The following TYW1B variants were observed in gnomAD, a reference collection of about 807,000 sequenced individuals.
TYW1B encodes the protein S-adenosyl-L-methionine-dependent tRNA 4-demethylwyosine synthase TYW1B.
In TYW1B, 73 loss-of-function variants were observed where a neutral mutation model predicts 86.9. The observed-to-expected ratio is 0.84, with a 90% CI of 0.70 to 1.02. The LOEUF (loss-of-function observed/expected upper bound fraction) is 1.02, where lower values mean the gene tolerates loss of function less well. Among genes scored for constraint, TYW1B ranks in the 50% least tolerant of loss-of-function variants. The pLI is 0.00. For synonymous variants in TYW1B, 248 were observed against 292.8 expected, an observed-to-expected ratio of 0.85 and a Z score of 1.56; for missense variants, 637 against 827.4, an observed-to-expected ratio of 0.77 and a Z score of 2.82.
At chr7:72,609,084 A>C (rs1325005487) in intron 13 of TYW1B, among the ~76,000 whole-genome samples, 1 of 152,198 alleles carries the variant, frequency 6.6e-6, no homozygotes, top group African/African-American at 2.4e-5. Context: ...AACTACATGA[A>C]GGGTACCTGA....
rs1788940134 is a variant in TYW1B at position 72,826,840 on chromosome 7, A to C, written c.135+15T>G. ...GATGCCTAAATACTCTATTAAAAAA[A>C]ATAACTCCACTTACCTGCATCTCGA... On this transcript the variant is annotated intron_variant, in intron 2 of 13. Coordinates refer to ENST00000620995, the MANE Select transcript of TYW1B (RefSeq NM_001145440.3). The C allele has an allele frequency of 3.1e-6, 5 of 1,605,460 alleles. No individual in the cohort carries two copies. The African/African-American group carries it at 5.4e-5, about 17-fold the overall frequency.
chr7:72,729,081 T>G (rs536926328), intron 8 of TYW1B, 150 bp from the exon 9 acceptor site: 2 of 661,914 alleles, frequency 3.0e-6, no homozygotes, highest in Non-Finnish European at 2.6e-6. Context: ...ATTTTCCAAC[T>G]TATTTTAAAT....
intron 7 of TYW1B, among the ~76,000 whole-genome samples, chr7:72,748,433 C>G (rs1459323103): frequency 6.6e-6 from 1 of 151,358 alleles, no homozygotes; most frequent in African/African-American, 2.4e-5. Flanking sequence ...GCCTTTGCAA[C>G]CTGTATGCAT....
In TYW1B at chr7:72,807,058, C is replaced by T. The variant is rs782513214; in HGVS notation, c.723+8G>A. ...AAGCATCAAGAGATGAACACACAGG[C>T]GGTATACCTTGGTGTCTCTGTGATG... On this transcript the variant is annotated splice_region_variant and intron_variant, in intron 5 of 13. Coordinates refer to ENST00000620995, the MANE Select transcript of TYW1B (RefSeq NM_001145440.3). 8.7e-6 allele frequency: 14 copies of T among 1,611,714 alleles called. No individual in the cohort carries two copies. Among genetic ancestry groups the T allele is most frequent in the Middle Eastern group, 3.3e-4 (2 of 6,072 alleles).
At chr7:72,784,144 G>GAAA (rs34367024) in intron 6 of TYW1B, among the ~76,000 whole-genome samples, 2 of 147,400 alleles carry the variant, frequency 1.4e-5, no homozygotes, top group African/African-American at 2.5e-5. Context: ...ATTTACTGCA[G>GAAA]AAAAAAAAAA....
At chr7:72,676,389 T>C (rs1489497075) in intron 11 of TYW1B, among the ~76,000 whole-genome samples, 1 of 152,218 alleles carries the variant, frequency 6.6e-6, no homozygotes, top group Non-Finnish European at 1.5e-5. Flanking sequence ...TAAAAGAACT[T>C]ATGATAAGAA....
intron 13 of TYW1B, among the ~76,000 whole-genome samples, chr7:72,589,513 G>GC (rs1273702486): frequency 6.6e-6 from 1 of 152,222 alleles, no homozygotes; most frequent in Non-Finnish European, 1.5e-5. Flanking sequence ...AGTAAACTGT[G>GC]CCAGCAGGAA....
chr7:72,714,461 T>TA (rs558170964), intron 9 of TYW1B, among the ~76,000 whole-genome samples: 26,232 of 142,978 alleles, frequency 0.18, 2,454 homozygotes, highest in Middle Eastern at 0.36. Flanking sequence ...TACTAAAAAT[T>TA]AAAAAAAAAA....
At chr7:72,776,556 C>CAAAAAAAAAAAA (rs67553013) in intron 7 of TYW1B, among the ~76,000 whole-genome samples, 1 of 45,242 alleles carries the variant, frequency 2.2e-5, no homozygotes, top group Non-Finnish European at 3.7e-5. Context: ...GACTCTGTCT[C>CAAAAAAAAAAAA]AAAAAAAAAA....
intron 11 of TYW1B, among the ~76,000 whole-genome samples, chr7:72,682,452 A>G (rs2844210): frequency 6.6e-6 from 1 of 152,192 alleles, no homozygotes; most frequent in Non-Finnish European, 1.5e-5. Context: ...TATACATAAG[A>G]ATTTTTATAT....
chr7:72,794,009 C>T (rs1457628653), intron 6 of TYW1B, among the ~76,000 whole-genome samples: 5 of 152,170 alleles, frequency 3.3e-5, no homozygotes, highest in Non-Finnish European at 5.9e-5. Context: ...TACAGATTGA[C>T]GTACGGCTGC....
At chr7:72,714,774 G>A (rs564959749) in intron 9 of TYW1B, among the ~76,000 whole-genome samples, 5 of 152,328 alleles carry the variant, frequency 3.3e-5, no homozygotes, top group African/African-American at 7.2e-5. Flanking sequence ...AAAATTAGCT[G>A]GGCGTAGTGG....
At chr7:72,711,093 G>C (rs527825937) in intron 10 of TYW1B, among the ~76,000 whole-genome samples, 2 of 152,208 alleles carry the variant, frequency 1.3e-5, no homozygotes, top group Admixed American at 1.3e-4. Flanking sequence ...GGGAGGTGAG[G>C]GAAAAGTCTC....
chr7:72,677,095 G>A (rs1813753247), intron 11 of TYW1B, among the ~76,000 whole-genome samples: 1 of 152,146 alleles, frequency 6.6e-6, no homozygotes, highest in African/African-American at 2.4e-5. Flanking sequence ...TCATACTTTA[G>A]AAGGGTGAAC....
chr7:72,690,899 C>T (rs1427672398), intron 11 of TYW1B, among the ~76,000 whole-genome samples: 1 of 152,054 alleles, frequency 6.6e-6, no homozygotes, highest in Non-Finnish European at 1.5e-5. Flanking sequence ...AGGTACCTGC[C>T]ACCACTCCTG....
intron 13 of TYW1B, among the ~76,000 whole-genome samples, chr7:72,596,268 A>AT (rs1198098414): frequency 6.6e-6 from 1 of 151,396 alleles, no homozygotes; most frequent in Admixed American, 6.6e-5. Context: ...TAACAAAAAC[A>AT]TTTTTTGTAG....
rs1362029938 is a variant in TYW1B, at chr7:72,798,031, A to G, written c.846+4369T>C. Among the ~76,000 whole-genome samples the G allele has an allele frequency of 4.2e-3, 450 of 107,118 alleles. 2 individuals are homozygous for G. Among genetic ancestry groups the G allele is most frequent in the African/African-American group, 0.014 (429 of 31,308 alleles). 70.3% of individuals were successfully genotyped at this position (107,118 alleles called of 152,430 possible). A position where few individuals can be genotyped will look rare whatever the true frequency, so the allele number is the denominator to read the frequency against. On this transcript the variant is annotated intron_variant, in intron 6 of 13. Coordinates refer to ENST00000620995, the MANE Select transcript of TYW1B (RefSeq NM_001145440.3). Reference sequence around the variant, plus strand: ...TATATACACACACACACACACACACACACACACGCACACACATATATACAT... The same window carrying G: ...TATATACACACACACACACACACACGCACACACGCACACACATATATACAT...
intron 9 of TYW1B, among the ~76,000 whole-genome samples, chr7:72,718,052 A>G (rs1196072081): frequency 1.3e-5 from 2 of 152,240 alleles, no homozygotes; most frequent in Non-Finnish European, 2.9e-5. Flanking sequence ...CACAATAGCT[A>G]AAAGTCATGA....
intron 11 of TYW1B, among the ~76,000 whole-genome samples, chr7:72,678,519 A>C (rs1813789526): frequency 6.6e-6 from 1 of 151,308 alleles, no homozygotes; most frequent in South Asian, 2.1e-4. Context: ...ATGCTCACCC[A>C]CTCCTGGGAG....
Sources: gnomAD v4.1 joint callset for allele counts (sites outside exome capture counted in the v4.1 genomes callset) on GRCh38, gnomAD v4.1.1 for gene constraint, MANE v1.5 for transcripts, NCBI Gene and HGNC (gene_info 2026-07-23, HGNC 2026-07-21) for gene names.